The following RAPGEF5 variants were observed in gnomAD, a reference collection of about 807,000 sequenced individuals.
RAPGEF5 encodes M-Ras-regulated GEF.
In RAPGEF5, 65 loss-of-function variants were observed where a neutral mutation model predicts 125.2. The observed-to-expected ratio is 0.52, with a 90% CI of 0.43 to 0.64. The LOEUF is 0.64. RAPGEF5 is among the 30% of genes least tolerant of loss of function. The pLI, the probability that RAPGEF5 is intolerant of heterozygous loss-of-function variation, is 0.00. For synonymous variants in RAPGEF5, 391 were observed against 385.9 expected, an observed-to-expected ratio of 1.01 and a Z score of -0.16; for missense variants, 958 against 1,048.1, an observed-to-expected ratio of 0.91 and a Z score of 1.19.
chr7:22,296,724 G>A (rs1424274039), intron 5 of RAPGEF5, among the ~76,000 whole-genome samples: 6 of 152,176 alleles, frequency 3.9e-5, no homozygotes, highest in Non-Finnish European at 7.3e-5. Flanking sequence ...AGTCTTTCCA[G>A]GGTCAGCAAG....
At chr7:22,134,905 G>A (rs1029361322) in intron 23 of RAPGEF5, among the ~76,000 whole-genome samples, 12 of 152,198 alleles carry the variant, frequency 7.9e-5, no homozygotes, top group Admixed American at 6.5e-4. Flanking sequence ...TGACGCATCT[G>A]TGCATATCTA....
rs1417679191 is a variant in RAPGEF5, at chr7:22,252,338, T to TA, written c.796+14625dup. 2.0e-5 allele frequency among the ~76,000 whole-genome samples: 3 copies of TA among 152,320 alleles called. No individual in the cohort carries two copies. The East Asian group carries it at 5.8e-4, about 29-fold the overall frequency. ...CCTACAATAGGAACAAGCTTCCACT[T>TA]ACAGCAATTCAATTAGCTTTGTCTA... On this transcript the variant is annotated intron_variant, in intron 7 of 25. Coordinates refer to ENST00000665637, the MANE Select transcript of RAPGEF5 (RefSeq NM_012294.5).
In RAPGEF5 at chr7:22,242,574, T is replaced by G. The variant is rs546648040; in HGVS notation, c.797-11655A>C. On this transcript the variant is annotated intron_variant, in intron 7 of 25. Coordinates refer to ENST00000665637, the MANE Select transcript of RAPGEF5 (RefSeq NM_012294.5). ...CCATGTGGCTCCAACAATCCCTGCA[T>G]GCCAGGGAATGAGCGATCCAAAAGT... Among the ~76,000 whole-genome samples the G allele has an allele frequency of 3.9e-5, 6 of 152,306 alleles. No homozygotes were observed. In the South Asian group the frequency reaches 1.2e-3, roughly 32 times the overall value.
At chr7:22,122,849 G>C (rs1159267863) in intron 25 of RAPGEF5, among the ~76,000 whole-genome samples, 1 of 152,138 alleles carries the variant, frequency 6.6e-6, no homozygotes, top group East Asian at 1.9e-4. Context: ...GCCAGGATTC[G>C]GACCCAGGAC....
intron 1 of RAPGEF5, among the ~76,000 whole-genome samples, chr7:22,346,367 T>C (rs545334020): frequency 3.3e-5 from 5 of 152,304 alleles, no homozygotes; most frequent in African/African-American, 9.6e-5. Context: ...AAAGTTATTA[T>C]TATATCCTCT....
intron 6 of RAPGEF5, among the ~76,000 whole-genome samples, chr7:22,290,961 T>C (rs1051533034): frequency 3.3e-5 from 5 of 152,160 alleles, no homozygotes; most frequent in African/African-American, 9.7e-5. Context: ...GCAGGAACTT[T>C]CCACCAGAAA....
At chr7:22,195,063 A>G (rs1785114822) in intron 9 of RAPGEF5, among the ~76,000 whole-genome samples, 1 of 152,256 alleles carries the variant, frequency 6.6e-6, no homozygotes, top group African/African-American at 2.4e-5. Context: ...GTTTCACCTT[A>G]AAGATGATGT....
intron 1 of RAPGEF5, among the ~76,000 whole-genome samples, chr7:22,320,306 C>T (rs749864815): frequency 1.3e-5 from 2 of 152,120 alleles, no homozygotes; most frequent in Non-Finnish European, 2.9e-5. Flanking sequence ...AAACTTAAAA[C>T]GATGATCATA....
At chr7:22,256,820 C>T (rs1445149553) in intron 7 of RAPGEF5, among the ~76,000 whole-genome samples, 1 of 152,146 alleles carries the variant, frequency 6.6e-6, no homozygotes, top group Non-Finnish European at 1.5e-5. Flanking sequence ...AATCCAACAA[C>T]GAGAAAGAAG....
intron 9 of RAPGEF5, among the ~76,000 whole-genome samples, chr7:22,204,811 G>A (rs560732339): frequency 2.0e-5 from 3 of 152,278 alleles, no homozygotes; most frequent in South Asian, 4.1e-4. Context: ...TAGGTTAAGA[G>A]AATGTAAGAT....
chr7:22,326,869 T>A (rs1236617837), intron 1 of RAPGEF5, among the ~76,000 whole-genome samples: 1 of 152,210 alleles, frequency 6.6e-6, no homozygotes, highest in Non-Finnish European at 1.5e-5. Flanking sequence ...TTACGTTAAG[T>A]GCTCTTACCA....
chr7:22,166,478 T>C (rs1784169767), intron 12 of RAPGEF5, among the ~76,000 whole-genome samples: 1 of 152,194 alleles, frequency 6.6e-6, no homozygotes. Flanking sequence ...CTCTTCTAGT[T>C]AGTGAATAAA....
chr7:22,258,826 GA>G (rs1418070981), intron 7 of RAPGEF5, among the ~76,000 whole-genome samples: 1 of 151,850 alleles, frequency 6.6e-6, no homozygotes, highest in Non-Finnish European at 1.5e-5. Context: ...AATAAAAATA[GA>G]ACCTAGACAC....
At chr7:22,197,511 A>T (rs1785173889) in intron 9 of RAPGEF5, among the ~76,000 whole-genome samples, 1 of 152,200 alleles carries the variant, frequency 6.6e-6, no homozygotes. Context: ...TTTTCATCTC[A>T]CAACTTTCTT....
intron 1 of RAPGEF5, among the ~76,000 whole-genome samples, chr7:22,325,168 T>C (rs1175613136): frequency 1.3e-5 from 2 of 152,172 alleles, no homozygotes; most frequent in African/African-American, 4.8e-5. Flanking sequence ...CCCCCAAACA[T>C]TCTAGCACTT....
chr7:22,149,193 A>G (rs1332558409), intron 18 of RAPGEF5, among the ~76,000 whole-genome samples: 1 of 152,222 alleles, frequency 6.6e-6, no homozygotes, highest in East Asian at 1.9e-4. Flanking sequence ...CTCAGCACAT[A>G]CAGATCTGGT....
At chr7:22,252,303 G>A (rs571183619) in intron 7 of RAPGEF5, among the ~76,000 whole-genome samples, 1 of 152,210 alleles carries the variant, frequency 6.6e-6, no homozygotes, top group African/African-American at 2.4e-5. Context: ...TTCTTCCCAG[G>A]ATCAAATTCC....
intron 11 of RAPGEF5, among the ~76,000 whole-genome samples, chr7:22,178,665 C>T (rs988090046): frequency 3.9e-5 from 6 of 152,150 alleles, no homozygotes; most frequent in East Asian, 3.8e-4. Context: ...CCTCTGTTTC[C>T]GTGGGGTTTG....
chr7:22,245,759 C>T (rs1455870452), intron 7 of RAPGEF5, among the ~76,000 whole-genome samples: 1 of 152,040 alleles, frequency 6.6e-6, no homozygotes, highest in Non-Finnish European at 1.5e-5. Flanking sequence ...CCATGCCAAG[C>T]AATCAGGAAA....
Sources: gnomAD v4.1 joint callset for allele counts (sites outside exome capture counted in the v4.1 genomes callset) on GRCh38, gnomAD v4.1.1 for gene constraint, MANE v1.5 for transcripts, NCBI Gene and HGNC (gene_info 2026-07-23, HGNC 2026-07-21) for gene names.